The following LARGE1 variants were observed in gnomAD, a reference collection of about 807,000 sequenced individuals.
The protein encoded by LARGE1 is LARGE xylosyl- and glucuronyltransferase 1.
Under a neutral mutation model 87.6 loss-of-function variants are expected in LARGE1, and 43 were observed. The observed-to-expected ratio is 0.49, with a 90% confidence interval of 0.38 to 0.63. The LOEUF (loss-of-function observed/expected upper bound fraction) is 0.63, where lower values mean the gene tolerates loss of function less well. Ranked by LOEUF, LARGE1 falls within the 30% of genes least tolerant of loss-of-function variation. The pLI, the probability that LARGE1 is intolerant of heterozygous loss-of-function variation, is 0.00. For missense variants in LARGE1, 802 were observed against 1,000.2 expected, an observed-to-expected ratio of 0.80 and a Z score of 2.67; for synonymous variants, 434 against 394.6, an observed-to-expected ratio of 1.10 and a Z score of -1.18.
At chr22:33,544,369 C>T (rs2077294138) in intron 6 of LARGE1, among the ~76,000 whole-genome samples, 2 of 152,176 alleles carry the variant, frequency 1.3e-5, no homozygotes, top group Non-Finnish European at 2.9e-5. Flanking sequence ...TTTGCCTCAT[C>T]ACAGTTTAGC....
At position 33,416,906 on chromosome 22, in the gene LARGE1, CT is replaced by C. The variant is rs35018256; in HGVS notation, c.892+15254del. On this transcript the variant is annotated intron_variant, in intron 7 of 14. Transcript: ENST00000397394. ...ACAGGTGTGAGGCACCACGCCCGGA[CT>C]TTTTTTTTTTTTTTTTTTGAGACAG... Among the ~76,000 whole-genome samples, 82 of 90,142 alleles carry C rather than the reference CT, an allele frequency of 9.1e-4. 1 individual carries two copies. Among genetic ancestry groups the C allele is most frequent in the South Asian group, 1.5e-3 (4 of 2,620 alleles). 59.1% of individuals were successfully genotyped at this position (90,142 alleles called of 152,430 possible). A position where few individuals can be genotyped will look rare whatever the true frequency, so the allele number is the denominator to read the frequency against.
At chr22:33,836,363 G>A (rs2063109113) in intron 1 of LARGE1, among the ~76,000 whole-genome samples, 1 of 152,110 alleles carries the variant, frequency 6.6e-6, no homozygotes, top group Admixed American at 6.5e-5. Context: ...GCACACAATG[G>A]TGTCAACTGT....
chr22:33,713,323 C>G (rs4821177), intron 2 of LARGE1, among the ~76,000 whole-genome samples: 6,348 of 152,252 alleles, frequency 0.042, 202 homozygotes, highest in South Asian at 0.2. Context: ...TGTTTCCACT[C>G]CCTTCTGGAA....
chr22:33,502,195 T>TAAA (rs35022342), intron 6 of LARGE1, among the ~76,000 whole-genome samples: 2 of 140,798 alleles, frequency 1.4e-5, no homozygotes, highest in African/African-American at 2.7e-5. Context: ...GACCCCATCT[T>TAAA]AAAAAAAAAA....
intron 2 of LARGE1, among the ~76,000 whole-genome samples, chr22:33,692,199 G>T (rs368753043): frequency 7.0e-4 from 106 of 152,246 alleles, no homozygotes; most frequent in African/African-American, 2.3e-3. Context: ...CTCTTGTTAG[G>T]ATGCAAAATG....
chr22:33,728,466 G>C (rs1165937358), intron 2 of LARGE1, among the ~76,000 whole-genome samples: 2 of 148,682 alleles, frequency 1.3e-5, no homozygotes, highest in African/African-American at 4.9e-5. Context: ...TTGAACCTGG[G>C]AGGCAGAGGC....
intron 6 of LARGE1, among the ~76,000 whole-genome samples, chr22:33,544,247 T>C (rs2077291418): frequency 6.6e-6 from 1 of 152,210 alleles, no homozygotes; most frequent in Non-Finnish European, 1.5e-5. Context: ...ATAAATCATA[T>C]CTGTGAGTAT....
chr22:33,287,623 A>ATCTTACCC (rs1931782566), intron 12 of LARGE1, among the ~76,000 whole-genome samples: 1 of 152,214 alleles, frequency 6.6e-6, no homozygotes, highest in African/African-American at 2.4e-5. Context: ...CTGTTAGTAC[A>ATCTTACCC]TCTTACCCTG....
At chr22:33,814,321 T>C (rs181471587) in intron 1 of LARGE1, among the ~76,000 whole-genome samples, 2 of 152,222 alleles carry the variant, frequency 1.3e-5, no homozygotes, top group Admixed American at 1.3e-4. Context: ...CAGTCCCCAA[T>C]AGGGCCCAAC....
chr22:33,739,478 C>G (rs2083794113), intron 2 of LARGE1, among the ~76,000 whole-genome samples: 1 of 152,218 alleles, frequency 6.6e-6, no homozygotes, highest in African/African-American at 2.4e-5. Flanking sequence ...CTAATTTACC[C>G]TGCAGCCACG....
chr22:33,149,537 C>T, the LARGE1 span, among the ~76,000 whole-genome samples: 1 of 152,060 alleles, frequency 6.6e-6, no homozygotes, highest in Non-Finnish European at 1.5e-5. Flanking sequence ...GTGTTTGTTT[C>T]CTATTGCTGC....
intron 2 of LARGE1, among the ~76,000 whole-genome samples, chr22:33,672,964 G>A (rs905828870): frequency 1.4e-4 from 22 of 152,244 alleles, no homozygotes; most frequent in Admixed American, 7.8e-4. Flanking sequence ...AGGGTGCTCT[G>A]AGAGATTGTT....
chr22:33,256,233 T>C (rs565781328), intron 11 of LARGE1, among the ~76,000 whole-genome samples: 197 of 152,364 alleles, frequency 1.3e-3, no homozygotes, highest in Non-Finnish European at 2.1e-3. Flanking sequence ...GAAGAGATTC[T>C]CAGGCATGGT....
At chr22:33,487,690 A>AC (rs1404678727) in intron 6 of LARGE1, among the ~76,000 whole-genome samples, 1 of 151,986 alleles carries the variant, frequency 6.6e-6, no homozygotes, top group African/African-American at 2.4e-5. Flanking sequence ...TAAGAGGATA[A>AC]AACTCACTGA....
At chr22:33,755,773 T>C (rs1349257435) in intron 2 of LARGE1, among the ~76,000 whole-genome samples, 4 of 152,104 alleles carry the variant, frequency 2.6e-5, no homozygotes, top group Non-Finnish European at 4.4e-5. Flanking sequence ...CCAGGGAACA[T>C]TCACTAAGGA....
intron 1 of LARGE1, among the ~76,000 whole-genome samples, chr22:33,875,875 G>A (rs934136298): frequency 6.6e-6 from 1 of 152,246 alleles, no homozygotes; most frequent in African/African-American, 2.4e-5. Context: ...GGTAGGTGAG[G>A]TGCAGCCTTC....
chr22:33,305,576 A>C, intron 11 of LARGE1: 1 of 985,268 alleles, frequency 1.0e-6, no homozygotes, highest in Non-Finnish European at 1.2e-6. Flanking sequence ...CAGAATGCCC[A>C]CTTTATTCGG....
rs576327832 is a variant in LARGE1 at position 33,330,952 on chromosome 22, G to A, written c.1287+6694C>T. Among the ~76,000 whole-genome samples the A allele has an allele frequency of 1.3e-5, 2 of 152,284 alleles. 1 individual carries two copies. Among genetic ancestry groups the A allele is most frequent in the South Asian group, 4.1e-4 (2 of 4,828 alleles). On this transcript the variant is annotated intron_variant, in intron 10 of 14. Coordinates refer to ENST00000397394, the MANE Select transcript of LARGE1 (RefSeq NM_133642.5). ...GGATTGTTTGACTTAGAGCAAATGT[G>A]ACACCCTCTCACATGCTTTACAGAC...
chr22:33,652,158 G>C (rs2080838298), intron 2 of LARGE1, among the ~76,000 whole-genome samples: 1 of 152,054 alleles, frequency 6.6e-6, no homozygotes, highest in African/African-American at 2.4e-5. Context: ...CCTGGCGACA[G>C]AGCAAGACTC....
Sources: allele counts gnomAD v4.1 joint callset (sites outside exome capture counted in the v4.1 genomes callset), GRCh38; gene constraint gnomAD v4.1.1; transcripts MANE v1.5; gene names NCBI Gene and HGNC (gene_info 2026-07-23, HGNC 2026-07-21).